The following MCPH1 variants were observed in gnomAD, a reference collection of about 807,000 sequenced individuals.
The protein encoded by MCPH1 is microcephalin 1.
MCPH1 carries 104 observed loss-of-function variants against 84.5 expected under a neutral mutation model. That is an observed-to-expected ratio of 1.23 (90% CI 1.05 to 1.45). The LOEUF (loss-of-function observed/expected upper bound fraction) is 1.45. Ranked by LOEUF, MCPH1 falls within the 40% of genes most tolerant of loss-of-function variation. The probability of loss-of-function intolerance (pLI) is 0.00; values close to 1 mark genes in which losing one functional copy is unlikely to be tolerated. For missense variants in MCPH1, 1,498 were observed against 1,005.7 expected (o/e 1.49, Z -6.62); for synonymous variants, 514 against 366.8 (o/e 1.40, Z -4.58).
In MCPH1 at chr8:6,480,737, T is replaced by C; in HGVS notation, c.1997T>C (p.Val666Ala). The C allele has an allele frequency of 1.2e-6, 2 of 1,614,122 alleles. No individual in the cohort carries two copies. Among genetic ancestry groups the C allele is most frequent in the Non-Finnish European group, 1.7e-6 (2 of 1,180,020 alleles). The change falls in exon 11 of 14, where the codon GTT (valine) becomes GCT (alanine). Residue 666 changes from valine to alanine, a missense_variant. By Grantham distance (64) the Val-to-Ala change is moderately conservative. Coordinates refer to ENST00000344683, the MANE Select transcript of MCPH1 (RefSeq NM_024596.5). ...AGAAAGCAGAATGTCGTCATCCAGG[T>C]TGTGGATAAATTGAAAGGCTTTTCA... ...PSEKQNVVIQVVDKLKGFSIA... is the reference protein window; with the variant it reads ...PSEKQNVVIQAVDKLKGFSIA...
chr8:6,625,341 A>T, intron 13 of MCPH1: 2 of 985,370 alleles, frequency 2.0e-6, no homozygotes, highest in South Asian at 4.7e-5. Flanking sequence ...GTATCCATGG[A>T]TGTGTCCTCA....
At chr8:6,590,205 CA>C (rs144736410) in intron 12 of MCPH1, among the ~76,000 whole-genome samples, 19,800 of 71,400 alleles carry the variant, frequency 0.28, 1,376 homozygotes, top group South Asian at 0.36. Context: ...AAGTGAACAA[CA>C]AAAAAAAAAA....
Position 6,621,302 on chromosome 8 carries a change from G to A in MCPH1, c.2215-152G>A, listed in dbSNP as rs1831386676. The A allele has an allele frequency of 5.2e-6, 5 of 962,298 alleles. No homozygotes were observed. The Admixed American group carries it at 5.9e-5, about 11-fold the overall frequency. The allele number at this position is 962,298 out of a possible 1,614,324, so 59.6% of individuals were successfully genotyped here. A position where few individuals can be genotyped will look rare whatever the true frequency, so the allele number is the denominator to read the frequency against. ...TGTCATTAATGTCATCATCTTCTCT[G>A]GATTCTCAGAATTCAAAATTCACAG... On this transcript the variant is annotated intron_variant, in intron 12 of 13. Coordinates refer to ENST00000344683, the MANE Select transcript of MCPH1 (RefSeq NM_024596.5).
intron 12 of MCPH1, among the ~76,000 whole-genome samples, chr8:6,546,729 T>C (rs1001958268): frequency 5.3e-5 from 8 of 152,200 alleles, no homozygotes; most frequent in African/African-American, 1.9e-4. Context: ...ACAACTAGCC[T>C]AGAAGCTTGC....
chr8:6,495,885 T>C (rs1309012281), intron 11 of MCPH1, among the ~76,000 whole-genome samples: 1 of 152,178 alleles, frequency 6.6e-6, no homozygotes, highest in Admixed American at 6.6e-5. Flanking sequence ...GTGGGACAAG[T>C]TTCTAACTAT....
intron 12 of MCPH1, among the ~76,000 whole-genome samples, chr8:6,540,500 G>A (rs1238775502): frequency 6.6e-6 from 1 of 152,232 alleles, no homozygotes; most frequent in Admixed American, 6.5e-5. Flanking sequence ...CCAGATGTCT[G>A]TGAGCGTGCA....
intron 11 of MCPH1, among the ~76,000 whole-genome samples, chr8:6,483,534 A>G (rs1243127436): frequency 6.6e-6 from 1 of 152,216 alleles, no homozygotes; most frequent in Non-Finnish European, 1.5e-5. Flanking sequence ...TCACAAAGGC[A>G]TGAAGGCAAT....
chr8:6,511,621 G>T (rs1212723513), intron 12 of MCPH1, among the ~76,000 whole-genome samples: 2 of 152,112 alleles, frequency 1.3e-5, no homozygotes, highest in Non-Finnish European at 2.9e-5. Flanking sequence ...AGAAGTTTCA[G>T]TCCCTTCACA....
At position 6,444,777 on chromosome 8, in the gene MCPH1, C is replaced by G. The variant is rs532399692; in HGVS notation, c.1055C>G (p.Ser352Cys). ...HLLIHSRPRSSSVKRKRVSHG... is the reference protein window; with the variant it reads ...HLLIHSRPRSCSVKRKRVSHG... ...TTGATACATTCAAGACCCAGGAGTT[C>G]CTCAGTAAAGAGAAAAAGAGTATCA... The change falls in exon 8 of 14, where the codon TCC (serine) becomes TGC (cysteine). Residue 352 changes from serine to cysteine, a missense_variant. Coordinates refer to ENST00000344683, the MANE Select transcript of MCPH1 (RefSeq NM_024596.5). 6.2e-7 allele frequency: 1 copy of G among 1,614,052 alleles called. No individual in the cohort carries two copies. Among genetic ancestry groups the G allele is most frequent in the South Asian group, 1.1e-5 (1 of 91,070 alleles).
intron 12 of MCPH1, among the ~76,000 whole-genome samples, chr8:6,576,969 C>A (rs560297885): frequency 6.6e-6 from 1 of 152,136 alleles, no homozygotes; most frequent in East Asian, 1.9e-4. Context: ...AGGGCCCTGC[C>A]CATTCTGCGG....
At position 6,414,750 on chromosome 8, in the gene MCPH1, G is replaced by A. The variant is rs775478330; in HGVS notation, c.115-15G>A. The stretch of plus-strand genomic sequence containing the variant: ...AACAGTAATGTACATTTTGTTTTCT[G>A]CATTTTGTCTACAGGTTTCAAAAAC... On this transcript the variant is annotated splice_polypyrimidine_tract_variant and intron_variant, in intron 2 of 13. Transcript: ENST00000344683. 1 of 1,612,396 alleles carries A rather than the reference G, an allele frequency of 6.2e-7. No individual in the cohort carries two copies. The highest frequency in any genetic ancestry group is 8.5e-7 in the Non-Finnish European group (1 of 1,179,200).
At chr8:6,529,623 ATTTTTTTTT>A (rs35322987) in intron 12 of MCPH1, among the ~76,000 whole-genome samples, 1 of 120,976 alleles carries the variant, frequency 8.3e-6, no homozygotes, top group Non-Finnish European at 1.7e-5. Context: ...CGCCTGGCTA[ATTTTTTTTT>A]TTTTTTTTTT....
At chr8:6,617,895 T>TA (rs1210392048) in intron 12 of MCPH1, among the ~76,000 whole-genome samples, 229 of 145,784 alleles carry the variant, frequency 1.6e-3, no homozygotes, top group South Asian at 3.3e-3. Flanking sequence ...TCTATCTATC[T>TA]ATCTAATCTA....
chr8:6,647,857 A>G lies in MCPH1; in HGVS notation c.*4808A>G, dbSNP rs1028308733. 4 of 152,366 alleles carry G rather than the reference A, an allele frequency of 2.6e-5. No homozygotes were observed. The highest frequency in any genetic ancestry group is 3.4e-3 in the Middle Eastern group (1 of 294). The allele number at this position is 152,366 out of a possible 1,614,324, so 9.4% of individuals were successfully genotyped here. ...CAACTGTATACATTTACTAAAATCAATGAACAGAACACTTTTAATGGGTAA... is the reference window on the plus strand; with the variant it reads ...CAACTGTATACATTTACTAAAATCAGTGAACAGAACACTTTTAATGGGTAA... On this transcript the variant is annotated 3_prime_UTR_variant, in exon 14 of 14. Transcript: ENST00000344683.
At chr8:6,426,119 A>G (rs906568239) in intron 3 of MCPH1, among the ~76,000 whole-genome samples, 9 of 152,034 alleles carry the variant, frequency 5.9e-5, no homozygotes, top group African/African-American at 1.4e-4. Flanking sequence ...CTTTCCCATC[A>G]CTTTTATTAG....
At chr8:6,616,390 G>T (rs767446093) in intron 12 of MCPH1, 2 of 152,224 alleles carry the variant, frequency 1.3e-5, no homozygotes, top group Non-Finnish European at 2.9e-5. Flanking sequence ...CTTGAAGCTA[G>T]AAGCCATGGG....
At chr8:6,420,888 G>T (rs28552800) in intron 3 of MCPH1, among the ~76,000 whole-genome samples, 4 of 152,172 alleles carry the variant, frequency 2.6e-5, no homozygotes, top group African/African-American at 7.2e-5. Context: ...GGCAAAAGAA[G>T]AGACTGACGC....
intron 11 of MCPH1, 80 bp downstream of exon 11, chr8:6,480,956 A>C (rs535639991): frequency 6.6e-7 from 1 of 1,518,750 alleles, no homozygotes; most frequent in Non-Finnish European, 9.0e-7. Context: ...CGACATCAGC[A>C]CTCAGGCCGG....
intron 12 of MCPH1, among the ~76,000 whole-genome samples, chr8:6,605,311 G>A (rs17631536): frequency 1.3e-5 from 2 of 152,124 alleles, no homozygotes; most frequent in Non-Finnish European, 2.9e-5. Flanking sequence ...ACTCCTGTTC[G>A]CTTGGGACTC....
Sources: allele counts gnomAD v4.1 joint callset (sites outside exome capture counted in the v4.1 genomes callset), GRCh38; gene constraint gnomAD v4.1.1; transcripts MANE v1.5; gene names NCBI Gene and HGNC (gene_info 2026-07-23, HGNC 2026-07-21).